The following HCK variants were observed in gnomAD, a reference collection of about 807,000 sequenced individuals.
HCK encodes HCK proto-oncogene, Src family tyrosine kinase, also known as tyrosine-protein kinase HCK.
A neutral mutation model predicts 70.4 loss-of-function variants in HCK; 40 were observed. That is an observed-to-expected ratio of 0.57 (90% CI 0.44 to 0.74). HCK has a LOEUF of 0.74. HCK is among the 30% of genes least tolerant of loss of function. The pLI, the probability that HCK is intolerant of heterozygous loss-of-function variation, is 0.00. For missense variants in HCK, 568 were observed against 697.2 expected (o/e 0.81, Z 2.09); for synonymous variants, 245 against 263.2 (o/e 0.93, Z 0.67).
At chr20:32,098,621 G>A (rs763977375) in intron 11 of HCK, among the ~76,000 whole-genome samples, 3 of 152,112 alleles carry the variant, frequency 2.0e-5, no homozygotes, top group Non-Finnish European at 2.9e-5. Context: ...TTTTCCCATC[G>A]CCCAGGATGA....
At chr20:32,060,896 AG>A (rs1378495005) in intron 1 of HCK, among the ~76,000 whole-genome samples, 1 of 100,120 alleles carries the variant, frequency 1.0e-5, no homozygotes, top group African/African-American at 2.7e-5. Context: ...AAGAAAAGGA[AG>A]GAAGAAAGGA....
intron 11 of HCK, among the ~76,000 whole-genome samples, chr20:32,096,062 G>A (rs1370499447): frequency 6.6e-6 from 1 of 151,344 alleles, no homozygotes; most frequent in Admixed American, 6.6e-5. Context: ...GCTAGTTTTT[G>A]TATTTTTAGT....
chr20:32,076,430 T>C (rs2045627291), intron 5 of HCK, among the ~76,000 whole-genome samples: 1 of 152,212 alleles, frequency 6.6e-6, no homozygotes, highest in South Asian at 2.1e-4. Flanking sequence ...CATCCCATGC[T>C]CTGTTTCTCC....
In HCK at chr20:32,084,556, G is replaced by A; in HGVS notation, c.835+13G>A. 1.2e-6 allele frequency: 2 copies of A among 1,610,090 alleles called. No individual in the cohort carries two copies. Among genetic ancestry groups the A allele is most frequent in the Non-Finnish European group, 1.7e-6 (2 of 1,177,934 alleles). ...GAAGTCTGGATGGGTAAGGACCCAG[G>A]GCCACAGCCCACAGGGCCAGAGGGT... is the stretch of plus-strand genomic sequence containing the variant. On this transcript the variant is annotated intron_variant, in intron 8 of 12. Transcript: ENST00000375852.
chr20:32,087,627 C>T (rs117694768), intron 9 of HCK, among the ~76,000 whole-genome samples: 3,894 of 151,744 alleles, frequency 0.026, 71 homozygotes, highest in Middle Eastern at 0.051. Flanking sequence ...CTACCACACC[C>T]AGCTAATTTC....
At chr20:32,077,745 C>T (rs1347193690) in intron 5 of HCK, among the ~76,000 whole-genome samples, 1 of 152,146 alleles carries the variant, frequency 6.6e-6, no homozygotes, top group Non-Finnish European at 1.5e-5. Flanking sequence ...AGGCTGGTCT[C>T]GAACTCCTGA....
intron 1 of HCK, among the ~76,000 whole-genome samples, chr20:32,063,811 A>T (rs1199188350): frequency 1.3e-5 from 2 of 151,298 alleles, no homozygotes; most frequent in African/African-American, 4.9e-5. Context: ...GCTCAAGCAG[A>T]AGAAGGAGGT....
At chr20:32,083,797 C>A (rs993836147) in intron 6 of HCK, 97 bp from the exon 7 acceptor site, 2 of 1,424,656 alleles carry the variant, frequency 1.4e-6, no homozygotes, top group Non-Finnish European at 2.0e-6. Context: ...GGTGTCAGGA[C>A]GGTGCCAGCG....
At chr20:32,082,909 G>C (rs929259102) in intron 6 of HCK, among the ~76,000 whole-genome samples, 2 of 151,996 alleles carry the variant, frequency 1.3e-5, no homozygotes, top group Admixed American at 1.3e-4. Context: ...TGTATGTTAG[G>C]TTCCCATTGC....
At chr20:32,100,422 C>T (rs1216344981) in intron 12 of HCK, among the ~76,000 whole-genome samples, 3 of 152,110 alleles carry the variant, frequency 2.0e-5, no homozygotes, top group Non-Finnish European at 4.4e-5. Context: ...TGAACTGGTG[C>T]TACGTTTCAA....
At chr20:32,060,673 AT>A (rs2045356651) in intron 1 of HCK, among the ~76,000 whole-genome samples, 1 of 152,238 alleles carries the variant, frequency 6.6e-6, no homozygotes, top group Non-Finnish European at 1.5e-5. Context: ...CATTAGGTGC[AT>A]TAGTCCAGGT....
intron 1 of HCK, chr20:32,069,592 G>T: frequency 2.4e-6 from 1 of 411,294 alleles, no homozygotes; most frequent in Non-Finnish European, 4.8e-6. Flanking sequence ...ATGCATGCAA[G>T]TACATTATAA....
At chr20:32,086,851 G>A (rs371260834) in intron 9 of HCK, 44 bp downstream of exon 9, 1 of 1,484,196 alleles carries the variant, frequency 6.7e-7, no homozygotes, top group African/African-American at 1.4e-5. Context: ...GGCCTATACT[G>A]GTCAATTGCG....
intron 1 of HCK, among the ~76,000 whole-genome samples, chr20:32,057,229 C>T (rs1198917887): frequency 6.6e-6 from 1 of 152,234 alleles, no homozygotes; most frequent in East Asian, 1.9e-4. Context: ...ATCCGCAGAA[C>T]CCTCCACATC....
intron 1 of HCK, among the ~76,000 whole-genome samples, chr20:32,067,263 T>A (rs1212697334): frequency 6.6e-6 from 1 of 152,218 alleles, no homozygotes; most frequent in Non-Finnish European, 1.5e-5. Flanking sequence ...CCTAATCATT[T>A]GCAAGTGTAC....
At chr20:32,093,490 CGTGTGTGTGT>C (rs3073297) in intron 10 of HCK, among the ~76,000 whole-genome samples, 7 of 146,326 alleles carry the variant, frequency 4.8e-5, no homozygotes, top group East Asian at 2.0e-4. Flanking sequence ...TCCTAGGGTT[CGTGTGTGTGT>C]GTGTGTGTGT....
At chr20:32,088,809 T>C (rs2045825560) in intron 10 of HCK, among the ~76,000 whole-genome samples, 165 bp downstream of exon 10, 1 of 152,238 alleles carries the variant, frequency 6.6e-6, no homozygotes, top group Non-Finnish European at 1.5e-5. Flanking sequence ...TTATTATACA[T>C]GTACTCATTC....
chr20:32,087,191 G>A (rs766086098), intron 9 of HCK, among the ~76,000 whole-genome samples: 2 of 152,214 alleles, frequency 1.3e-5, no homozygotes, highest in African/African-American at 2.4e-5. Flanking sequence ...CCTGGGAGAG[G>A]GAGCTGGCAA....
At chr20:32,059,925 C>T (rs2045341410) in intron 1 of HCK, among the ~76,000 whole-genome samples, 1 of 151,964 alleles carries the variant, frequency 6.6e-6, no homozygotes, top group Non-Finnish European at 1.5e-5. Context: ...GAAACTGAGA[C>T]CTGGAGCTTT....
Sources: gnomAD v4.1 joint callset for allele counts (sites outside exome capture counted in the v4.1 genomes callset) on GRCh38, gnomAD v4.1.1 for gene constraint, MANE v1.5 for transcripts, NCBI Gene and HGNC (gene_info 2026-07-23, HGNC 2026-07-21) for gene names.